Variants in SLC38A1 observed in about 807,000 individuals in gnomAD.
The protein encoded by SLC38A1 is solute carrier family 38 member 1, also known as sodium-coupled neutral amino acid symporter 1.
SLC38A1 carries 18 observed loss-of-function variants against 60.3 expected under a neutral mutation model. That is an observed-to-expected ratio of 0.30 (90% confidence interval 0.21 to 0.44). The LOEUF is 0.44. SLC38A1 is among the 20% of genes least tolerant of loss of function. SLC38A1 has a pLI of 1.00. For synonymous variants in SLC38A1, 196 were observed against 212.1 expected, an observed-to-expected ratio of 0.92 and a Z score of 0.66; for missense variants, 448 against 587.2, an observed-to-expected ratio of 0.76 and a Z score of 2.45.
intron 3 of SLC38A1, among the ~76,000 whole-genome samples, chr12:46,232,059 T>C (rs1941097675): frequency 6.6e-6 from 1 of 152,240 alleles, no homozygotes; most frequent in East Asian, 1.9e-4. Flanking sequence ...TTTCTCCAAG[T>C]TTGTGTTATT....
Position 46,207,169 on chromosome 12 carries a change from C to T in SLC38A1, c.549G>A (p.Lys183=). 6.2e-7 allele frequency: 1 copy of T among 1,610,960 alleles called. No individual in the cohort carries two copies. Among genetic ancestry groups the T allele is most frequent in the Non-Finnish European group, 8.5e-7 (1 of 1,178,226 alleles). Residue 183 remains lysine (K), a synonymous_variant, in exon 8 of 17, where the codon AAG becomes AAA. Coordinates refer to ENST00000398637, the MANE Select transcript of SLC38A1 (RefSeq NM_030674.4). The part of the protein sequence containing the change: ...LPSAIKFLMG[K]EETFSAWYVD... The stretch of plus-strand genomic sequence containing the variant: ...CTATAACTTACGAAAATGTCTCTTC[C>T]TTTCCCATTAGAAACTTTATGGCAG...
intron 1 of SLC38A1, among the ~76,000 whole-genome samples, chr12:46,250,508 A>T (rs11504510): frequency 0.53 from 80,019 of 152,062 alleles, 21,193 homozygotes; most frequent in Middle Eastern, 0.55. Flanking sequence ...CAAGAGAAAG[A>T]AATAAAGTGT....
intron 5 of SLC38A1, 132 bp from the exon 6 acceptor site, chr12:46,209,259 T>G: frequency 1.8e-6 from 1 of 556,526 alleles, no homozygotes; most frequent in Non-Finnish European, 3.1e-6. Context: ...TTGGAACCTA[T>G]TAGTCATCCC....
chr12:46,203,255 G>C (rs1939741557), intron 11 of SLC38A1, among the ~76,000 whole-genome samples, 166 bp from the exon 12 acceptor site: 1 of 152,168 alleles, frequency 6.6e-6, no homozygotes, highest in Non-Finnish European at 1.5e-5. Flanking sequence ...GCTTTTCTAA[G>C]ACAGCTTGTC....
chr12:46,223,824 A>G (rs557718456), intron 5 of SLC38A1, among the ~76,000 whole-genome samples: 20 of 152,298 alleles, frequency 1.3e-4, no homozygotes, highest in African/African-American at 4.6e-4. Flanking sequence ...TACATTATTA[A>G]AATAAAAATA....
At chr12:46,225,499 C>A (rs375272347) in intron 5 of SLC38A1, among the ~76,000 whole-genome samples, 69 of 152,136 alleles carry the variant, frequency 4.5e-4, no homozygotes, top group African/African-American at 1.6e-3. Context: ...TCATTCCAGC[C>A]CTTTCCCCCT....
intron 1 of SLC38A1, among the ~76,000 whole-genome samples, chr12:46,243,597 G>A (rs1941517027): frequency 6.6e-6 from 1 of 152,158 alleles, no homozygotes; most frequent in Admixed American, 6.5e-5. Flanking sequence ...TCACAGTGGA[G>A]GGAGAACATG....
chr12:46,218,139 C>A (rs556976850), intron 5 of SLC38A1, among the ~76,000 whole-genome samples: 1 of 152,260 alleles, frequency 6.6e-6, no homozygotes, highest in Non-Finnish European at 1.5e-5. Flanking sequence ...TGAGAAAGAG[C>A]GCCATGTACC....
chr12:46,226,538 G>A (rs553220082), intron 5 of SLC38A1, among the ~76,000 whole-genome samples: 18 of 151,272 alleles, frequency 1.2e-4, no homozygotes, highest in Non-Finnish European at 2.2e-4. Context: ...TAGTCTAGAA[G>A]GTCCAAAATC....
chr12:46,268,322 C>T lies in SLC38A1; in HGVS notation c.-209+204G>A, dbSNP rs1942429786. Among the ~76,000 whole-genome samples, 1 of 152,214 alleles carries T rather than the reference C, an allele frequency of 6.6e-6. No homozygotes were observed. The highest frequency in any genetic ancestry group is 2.4e-5 in the African/African-American group (1 of 41,454). On this transcript the variant is annotated intron_variant, in intron 1 of 16. Transcript: ENST00000398637. This position sits in a 1 kb window ranked among gnomAD's most constrained non-coding sequence, Gnocchi z 4.4. ...GGTGAACTCGGGGGCCCTGGCGCTT[C>T]CTCCCGCTGCCGCGTGCGTTCGGGA...
At chr12:46,256,954 A>G (rs2408496) in intron 1 of SLC38A1, among the ~76,000 whole-genome samples, 110,627 of 151,982 alleles carry the variant, frequency 0.73, 41,438 homozygotes, top group African/African-American at 0.91. Flanking sequence ...TAAGATGGTC[A>G]CCCTGAGTAA....
At chr12:46,222,498 G>A (rs1427497927) in intron 5 of SLC38A1, among the ~76,000 whole-genome samples, 1 of 152,038 alleles carries the variant, frequency 6.6e-6, no homozygotes, top group Non-Finnish European at 1.5e-5. Flanking sequence ...ATAATACTAT[G>A]CTACGCAGTA....
At chr12:46,203,135 TA>T in intron 11 of SLC38A1, 46 bp from the exon 12 acceptor site, 1 of 1,481,462 alleles carries the variant, frequency 6.8e-7, no homozygotes, top group Admixed American at 1.7e-5. Context: ...ACTTTTACCA[TA>T]AAAAGGACAT....
chr12:46,238,192 A>T (rs1366174864), intron 3 of SLC38A1, among the ~76,000 whole-genome samples: 1 of 149,368 alleles, frequency 6.7e-6, no homozygotes, highest in Admixed American at 6.6e-5. Context: ...GGGTATTATT[A>T]TTAAGAATTA....
At chr12:46,221,774 G>T (rs116041652) in intron 5 of SLC38A1, among the ~76,000 whole-genome samples, 2 of 152,164 alleles carry the variant, frequency 1.3e-5, no homozygotes, top group Non-Finnish European at 2.9e-5. Context: ...AAGGTAAAAT[G>T]TATGCTTAAA....
At chr12:46,196,425 C>T in intron 16 of SLC38A1, 1 of 1,119,516 alleles carries the variant, frequency 8.9e-7, no homozygotes, top group Non-Finnish European at 1.2e-6. Flanking sequence ...CATTATGGGA[C>T]CAGGGTTGGA....
intron 1 of SLC38A1, among the ~76,000 whole-genome samples, chr12:46,264,054 G>A (rs1342107437): frequency 6.6e-6 from 1 of 152,160 alleles, no homozygotes; most frequent in East Asian, 1.9e-4. Flanking sequence ...AACTAAATCT[G>A]AATCTCTGGA....
At chr12:46,227,201 C>T (rs572476828) in intron 5 of SLC38A1, among the ~76,000 whole-genome samples, 3 of 152,198 alleles carry the variant, frequency 2.0e-5, no homozygotes, top group South Asian at 2.1e-4. Context: ...GTTCTATATC[C>T]AACCAAACTA....
chr12:46,245,234 T>C lies in SLC38A1; in HGVS notation c.-208-1920A>G, dbSNP rs186569874. Among the ~76,000 whole-genome samples, 4 of 152,346 alleles carry C rather than the reference T, an allele frequency of 2.6e-5. No individual in the cohort carries two copies. In the East Asian group the frequency reaches 7.7e-4, roughly 29 times the overall value. ...TTGGTTTTTTATTGTGAAGAACTAA[T>C]ATAATCAGACCTCTGCTAGCTCAAC... On this transcript the variant is annotated intron_variant, in intron 1 of 16. Transcript: ENST00000398637.
Sources: allele counts gnomAD v4.1 joint callset (sites outside exome capture counted in the v4.1 genomes callset), GRCh38; gene constraint gnomAD v4.1.1; non-coding constraint Gnocchi (gnomAD v3.1); transcripts MANE v1.5; gene names NCBI Gene and HGNC (gene_info 2026-07-23, HGNC 2026-07-21).